Variants in PHF3 observed in about 807,000 individuals in gnomAD.
PHF3 encodes PHD finger protein 3.
Under a neutral mutation model 178.4 loss-of-function variants are expected in PHF3, and 41 were observed. The ratio of observed to expected loss-of-function variants is 0.23; its 90% CI spans 0.18 to 0.30. The LOEUF (loss-of-function observed/expected upper bound fraction) is 0.30, where lower values mean the gene tolerates loss of function less well. PHF3 is among the 10% of genes least tolerant of loss of function. The pLI, the probability that PHF3 is intolerant of heterozygous loss-of-function variation, is 1.00. For missense variants in PHF3, 2,346 were observed against 2,398.1 expected (o/e 0.98, Z 0.45); for synonymous variants, 842 against 800.5 (o/e 1.05, Z -0.88).
intron 4 of PHF3, among the ~76,000 whole-genome samples, chr6:63,687,904 C>G (rs1184557708): frequency 6.6e-6 from 1 of 152,250 alleles, no homozygotes; most frequent in African/African-American, 2.4e-5. Context: ...GGTTTACACT[C>G]TGTAATTGAT....
chr6:63,648,424 C>G (rs1343642150), intron 2 of PHF3, among the ~76,000 whole-genome samples: 3 of 152,100 alleles, frequency 2.0e-5, no homozygotes, highest in Non-Finnish European at 4.4e-5. Flanking sequence ...ACTCCAGTTA[C>G]CTTCAAGGGT....
chr6:63,667,240 A>G (rs2149563455), intron 2 of PHF3, among the ~76,000 whole-genome samples: 1 of 152,306 alleles, frequency 6.6e-6, no homozygotes, highest in Non-Finnish European at 1.5e-5. Flanking sequence ...AGACACTTTA[A>G]ATATGTTTTG....
At chr6:63,664,132 A>G (rs914807682) in intron 2 of PHF3, among the ~76,000 whole-genome samples, 40 of 152,330 alleles carry the variant, frequency 2.6e-4, no homozygotes, top group African/African-American at 9.6e-4. Context: ...TACAATTTCT[A>G]TAGTTCAGTC....
chr6:63,686,802 G>C (rs1766726946), intron 4 of PHF3, among the ~76,000 whole-genome samples: 1 of 152,156 alleles, frequency 6.6e-6, no homozygotes, highest in Non-Finnish European at 1.5e-5. Context: ...AAGTGTGCTA[G>C]AGTGATTTTT....
At chr6:63,709,121 TTGA>T (rs766719376) in intron 13 of PHF3, 27 bp from the exon 14 acceptor site, 1 of 1,179,188 alleles carries the variant, frequency 8.5e-7, no homozygotes, top group Non-Finnish European at 1.2e-6. Context: ...TCTATATATA[TTGA>T]TCTCTTTTTT....
intron 3 of PHF3, among the ~76,000 whole-genome samples, chr6:63,681,340 T>C (rs73762454): frequency 0.039 from 5,927 of 152,164 alleles, 397 homozygotes; most frequent in African/African-American, 0.13. Flanking sequence ...CCTGTTAGTC[T>C]GAAAAATGTT....
intron 2 of PHF3, among the ~76,000 whole-genome samples, chr6:63,662,424 T>G (rs955610356): frequency 2.0e-5 from 3 of 152,244 alleles, no homozygotes; most frequent in African/African-American, 7.2e-5. Context: ...TTAGTTCTAG[T>G]GATTTTTCTC....
Position 63,711,658 on chromosome 6 carries a change from C to T in PHF3, c.4070C>T (p.Ala1357Val), listed in dbSNP as rs1376066379. ...IRQKLKRQHS[A>V]CASTSHIAET... ...CAGAAACTGAAGCGACAGCACAGTG[C>T]CTGTGCTAGTACTAGTCATATAGCT... Residue 1357 changes from alanine (A) to valine (V), a missense_variant, in exon 16 of 16, where the codon GCC becomes GTC. Around this residue, in one of 8 missense-constraint regions of PHF3, gnomAD observed 839 missense variants for 806.9 expected, o/e 1.04. Transcript: ENST00000262043. The T allele has an allele frequency of 2.5e-6, 4 of 1,610,694 alleles. No homozygotes were observed. The highest frequency in any genetic ancestry group is 3.4e-6 in the Non-Finnish European group (4 of 1,177,834).
Position 63,712,997 on chromosome 6 carries a change from C to T in PHF3, c.5409C>T (p.Pro1803=). 6.2e-7 allele frequency: 1 copy of T among 1,614,004 alleles called. No homozygotes were observed. Among genetic ancestry groups the T allele is most frequent in the Non-Finnish European group, 8.5e-7 (1 of 1,179,950 alleles). The change falls in exon 16 of 16, where the codon CCC becomes CCT. Residue 1803 remains proline (P), a synonymous_variant. Transcript: ENST00000262043. ...TTTCACCCATGAGGCCACAGCAGCC[C>T]AACCTTCAGCATCTCAAGTCTAGCC... ...TNFSPMRPQQ[P]NLQHLKSSPP...
chr6:63,714,566 A>G lies in PHF3; in HGVS notation c.*858A>G, dbSNP rs1336860092. ...CAGCCAAGAACATATAGAAATAGCTATCTATGTCAGGCATTAGATGAGGGG... is the reference window on the plus strand; with the variant it reads ...CAGCCAAGAACATATAGAAATAGCTGTCTATGTCAGGCATTAGATGAGGGG... On this transcript the variant is annotated 3_prime_UTR_variant, in exon 16 of 16. Coordinates refer to ENST00000262043, the MANE Select transcript of PHF3 (RefSeq NM_001370348.2). 6.6e-6 allele frequency: 1 copy of G among 152,538 alleles called. No homozygotes were observed. The highest frequency in any genetic ancestry group is 2.4e-5 in the African/African-American group (1 of 41,424). 9.4% of individuals were successfully genotyped at this position (152,538 alleles called of 1,614,324 possible). A position where few individuals can be genotyped will look rare whatever the true frequency, so the allele number is the denominator to read the frequency against.
At position 63,684,957 on chromosome 6, in the gene PHF3, A is replaced by G; in HGVS notation, c.1235A>G (p.Glu412Gly). The G allele has an allele frequency of 1.2e-6, 2 of 1,614,008 alleles. No homozygotes were observed. Among genetic ancestry groups the G allele is most frequent in the Non-Finnish European group, 8.5e-7 (1 of 1,179,880 alleles). The change falls in exon 4 of 16, where the codon GAG becomes GGG. Residue 412 changes from glutamate to glycine, a missense_variant. Physicochemically the swap from Glu to Gly is moderately conservative, Grantham distance 98. Around this residue, in one of 8 missense-constraint regions of PHF3, gnomAD observed 843 missense variants for 795.2 expected, o/e 1.06. Transcript: ENST00000262043. Reference sequence around the variant, plus strand: ...GATGCGGAGTCTAATAGGCAGTTGGAGAGCACTGAGTTTAATAAATCAAAC... The same window carrying G: ...GATGCGGAGTCTAATAGGCAGTTGGGGAGCACTGAGTTTAATAAATCAAAC... ...CEDAESNRQL[E>G]STEFNKSNLE...
intron 2 of PHF3, chr6:63,679,609 G>T: frequency 3.3e-6 from 1 of 305,434 alleles, no homozygotes; most frequent in East Asian, 7.8e-5. Flanking sequence ...TTTGATTCTA[G>T]CATGAACCTA....
In PHF3 at chr6:63,684,671, A is replaced by G; in HGVS notation, c.949A>G (p.Lys317Glu). ...TVVEEMIATR[K>E]VEQDSKETVK... is the part of the protein sequence containing the mutation. The stretch of plus-strand genomic sequence containing the variant: ...TGTTGAAGAAATGATAGCAACAAGA[A>G]AAGTTGAACAAGATTCAAAGGAGAC... The change falls in exon 4 of 16, where the codon AAA (lysine) becomes GAA (glutamate). Residue 317 changes from lysine to glutamate, a missense_variant. Lys to Glu is a moderately conservative substitution (Grantham distance 56, BLOSUM62 1). Coordinates refer to ENST00000262043, the MANE Select transcript of PHF3 (RefSeq NM_001370348.2). The G allele has an allele frequency of 2.5e-6, 4 of 1,613,852 alleles. No individual in the cohort carries two copies. In the South Asian group the frequency reaches 4.4e-5, roughly 18 times the overall value.
chr6:63,638,974 A>G (rs181820904), intron 1 of PHF3, among the ~76,000 whole-genome samples: 12 of 152,246 alleles, frequency 7.9e-5, no homozygotes, highest in Non-Finnish European at 1.3e-4. Flanking sequence ...CTCAGTAAAG[A>G]TATTATAGTC....
At chr6:63,647,161 T>C (rs1489538536) in intron 2 of PHF3, among the ~76,000 whole-genome samples, 1 of 152,064 alleles carries the variant, frequency 6.6e-6, no homozygotes, top group Non-Finnish European at 1.5e-5. Context: ...GCCCGGCAAA[T>C]TGAGACATGT....
Position 63,722,789 on chromosome 6 carries a change from T to C in PHF3, c.*9081T>C, listed in dbSNP as rs1405386568. ...TCCTGCAAATGGTGTTCTTTCCTTC[T>C]ATTCTCCATTGTGGTCTATACCAAG... On this transcript the variant is annotated 3_prime_UTR_variant, in exon 16 of 16. Transcript: ENST00000262043. 6.6e-6 allele frequency among the ~76,000 whole-genome samples: 1 copy of C among 152,234 alleles called. No individual in the cohort carries two copies. The highest frequency in any genetic ancestry group is 1.5e-5 in the Non-Finnish European group (1 of 68,042).
Position 63,720,615 on chromosome 6 carries a change from TCATCTC to T in PHF3, c.*6912_*6917del, listed in dbSNP as rs997173508. ...GTTAACTTATGTAACCTCATTTTGT[TCATCTC>T]CATCATAAACATTGTATCCTTCTAA... On this transcript the variant is annotated 3_prime_UTR_variant, in exon 16 of 16. Coordinates refer to ENST00000262043, the MANE Select transcript of PHF3 (RefSeq NM_001370348.2). 1.3e-6 allele frequency: 2 copies of T among 1,490,934 alleles called. No individual in the cohort carries two copies. The highest frequency in any genetic ancestry group is 1.4e-5 in the African/African-American group (1 of 70,744). The allele number at this position is 1,490,934 out of a possible 1,614,324, so 92.4% of individuals were successfully genotyped here. A position where few individuals can be genotyped will look rare whatever the true frequency, so the allele number is the denominator to read the frequency against.
rs746604495 is a variant in PHF3, at chr6:63,711,982, C to T, written c.4394C>T (p.Pro1465Leu). 6.2e-7 allele frequency: 1 copy of T among 1,613,670 alleles called. No individual in the cohort carries two copies. The highest frequency in any genetic ancestry group is 2.2e-5 in the East Asian group (1 of 44,848). The change falls in exon 16 of 16, where the codon CCT becomes CTT. Residue 1465 changes from proline (P) to leucine (L), a missense_variant. By Grantham distance (98) the Pro-to-Leu change is moderately conservative. Transcript: ENST00000262043. ...TTLELANKPL[P>L]VDDILQSLLG... ...CTGGAATTAGCAAATAAACCTCTTC[C>T]TGTGGATGATATACTTCAAAGCCTT...
intron 5 of PHF3, among the ~76,000 whole-genome samples, chr6:63,693,040 C>G (rs1018376277): frequency 1.3e-5 from 2 of 152,132 alleles, no homozygotes; most frequent in Non-Finnish European, 2.9e-5. Flanking sequence ...CTTGTGGCAT[C>G]TAATATTTTT....
Sources: gnomAD v4.1 joint callset for allele counts (sites outside exome capture counted in the v4.1 genomes callset) on GRCh38, gnomAD v4.1.1 for gene constraint, gnomAD v4.1.1 regional missense constraint, MANE v1.5 for transcripts, NCBI Gene and HGNC (gene_info 2026-07-23, HGNC 2026-07-21) for gene names.